NSG2: variants seen among roughly 807,000 people sequenced by gnomAD.
NSG2 encodes the protein neuronal vesicle trafficking-associated protein 2.
A neutral mutation model predicts 16.9 loss-of-function variants in NSG2; 4 were observed. The ratio of observed to expected loss-of-function variants is 0.24; its 90% CI spans 0.12 to 0.54. NSG2 has a LOEUF of 0.54. NSG2 is among the 20% of genes least tolerant of loss of function. The pLI, the probability that NSG2 is intolerant of heterozygous loss-of-function variation, is 0.95. For missense variants in NSG2, 179 were observed against 221.1 expected (o/e 0.81, Z 1.21); for synonymous variants, 98 against 88.7 (o/e 1.11, Z -0.59).
intron 3 of NSG2, among the ~76,000 whole-genome samples, chr5:174,093,235 T>G (rs1404294931): frequency 6.6e-6 from 1 of 152,092 alleles, no homozygotes. Flanking sequence ...AGTATTGAAA[T>G]GTATGTAAGC....
intron 3 of NSG2, among the ~76,000 whole-genome samples, chr5:174,087,901 A>G (rs999739405): frequency 6.6e-6 from 1 of 152,198 alleles, no homozygotes; most frequent in Non-Finnish European, 1.5e-5. Flanking sequence ...ATATGAGAGC[A>G]CAGCCCACAG....
At chr5:174,064,813 C>G (rs1760113352) in intron 3 of NSG2, among the ~76,000 whole-genome samples, 1 of 152,078 alleles carries the variant, frequency 6.6e-6, no homozygotes, top group African/African-American at 2.4e-5. Flanking sequence ...TGATGAATTG[C>G]ATCAAGGATC....
chr5:174,046,552 T>C (rs1759798981), intron 1 of NSG2, 182 bp from the exon 2 acceptor site: 2 of 573,334 alleles, frequency 3.5e-6, no homozygotes, highest in African/African-American at 3.8e-5. Context: ...ATTTTGATGA[T>C]TAAAGAAGTT....
chr5:174,063,901 T>A (rs1333646260), intron 2 of NSG2, among the ~76,000 whole-genome samples: 6 of 152,206 alleles, frequency 3.9e-5, no homozygotes, highest in Non-Finnish European at 7.3e-5. Context: ...AAATATAGTG[T>A]TGTGTGATAA....
At chr5:174,080,291 A>T in intron 3 of NSG2, among the ~76,000 whole-genome samples, 1 of 148,632 alleles carries the variant, frequency 6.7e-6, no homozygotes, top group Non-Finnish European at 1.5e-5. Flanking sequence ...AGGTAAATAT[A>T]TATATTTATA....
At position 174,105,857 on chromosome 5, in the gene NSG2, G is replaced by A. The variant is rs564770398; in HGVS notation, c.325-1457G>A. Reference sequence around the variant, plus strand: ...GGAGGTTGTAGTGAGCCGAGGCCGCGCCATTGCACTCCAGCCTGGGGGGAC... The same window carrying A: ...GGAGGTTGTAGTGAGCCGAGGCCGCACCATTGCACTCCAGCCTGGGGGGAC... On this transcript the variant is annotated intron_variant, in intron 4 of 4. Transcript: ENST00000303177. Among the ~76,000 whole-genome samples, 175 of 152,198 alleles carry A rather than the reference G, an allele frequency of 1.1e-3. 1 individual carries two copies. Among genetic ancestry groups the A allele is most frequent in the South Asian group, 0.011 (55 of 4,810 alleles).
rs546362880 is a variant in NSG2 at position 174,073,874 on chromosome 5, A to T, written c.213+9559A>T. On this transcript the variant is annotated intron_variant, in intron 3 of 4. Coordinates refer to ENST00000303177, the MANE Select transcript of NSG2 (RefSeq NM_015980.5). ...AAGCAAGTCACTTGTTAATAAACAT[A>T]GTGTAGAAGAAGACTTCTAGGGTAT... 3.3e-5 allele frequency among the ~76,000 whole-genome samples: 5 copies of T among 152,326 alleles called. No homozygotes were observed. In the East Asian group the frequency reaches 7.7e-4, roughly 24 times the overall value.
intron 3 of NSG2, among the ~76,000 whole-genome samples, chr5:174,091,579 C>CT (rs1219139290): frequency 1.3e-5 from 2 of 151,996 alleles, no homozygotes; most frequent in East Asian, 3.9e-4. Context: ...GGAGCACCCT[C>CT]TAAGTGGGAG....
intron 2 of NSG2, among the ~76,000 whole-genome samples, chr5:174,049,164 C>T (rs1284835418): frequency 3.3e-5 from 5 of 152,076 alleles, no homozygotes; most frequent in East Asian, 1.9e-4. Context: ...ACGGTGAAAC[C>T]GCGTCTCTAC....
At chr5:174,064,770 C>T (rs146752520) in intron 3 of NSG2, among the ~76,000 whole-genome samples, 185 of 152,012 alleles carry the variant, frequency 1.2e-3, no homozygotes, top group Middle Eastern at 0.01. Context: ...GTGGAGGGGC[C>T]GCGAGGAGCA....
chr5:174,104,484 T>A, intron 4 of NSG2, 146 bp downstream of exon 4: 1 of 629,736 alleles, frequency 1.6e-6, no homozygotes, highest in South Asian at 1.9e-5. Context: ...GCAAGGAGTT[T>A]CCAAGTTTTC....
chr5:174,098,321 C>G (rs113646120), intron 3 of NSG2, among the ~76,000 whole-genome samples: 1 of 152,272 alleles, frequency 6.6e-6, no homozygotes, highest in African/African-American at 2.4e-5. Context: ...GTTACCCCGA[C>G]AGCACCAGGG....
rs74649935 is a variant in NSG2, at chr5:174,069,301, G to T, written c.213+4986G>T. Among the ~76,000 whole-genome samples the T allele has an allele frequency of 7.1e-3, 1,076 of 152,292 alleles. 8 individuals carry two copies. The highest frequency in any genetic ancestry group is 0.01 in the Non-Finnish European group (683 of 68,016). ...AGATGCTGGTGCTGAGGAGGGTACT[G>T]AGGCTCTGGAAGGTGCTTATGCACC... On this transcript the variant is annotated intron_variant, in intron 3 of 4. Coordinates refer to ENST00000303177, the MANE Select transcript of NSG2 (RefSeq NM_015980.5).
chr5:174,094,118 G>A lies in NSG2; in HGVS notation c.214-10110G>A, dbSNP rs35095340. Among the ~76,000 whole-genome samples the A allele has an allele frequency of 7.2e-4, 110 of 152,318 alleles. 2 individuals are homozygous for A. The highest frequency in any genetic ancestry group is 6.0e-3 in the South Asian group (29 of 4,822). ...AATTAAGGTATGGTTAGGGTTGAGG[G>A]CTTTAGAATGAGATACTCTAGAGTT... On this transcript the variant is annotated intron_variant, in intron 3 of 4. Coordinates refer to ENST00000303177, the MANE Select transcript of NSG2 (RefSeq NM_015980.5).
chr5:174,094,734 C>T (rs1158971137), intron 3 of NSG2, among the ~76,000 whole-genome samples: 1 of 152,204 alleles, frequency 6.6e-6, no homozygotes, highest in Admixed American at 6.5e-5. Context: ...TGACCATATG[C>T]AGTGATTTCA....
intron 2 of NSG2, among the ~76,000 whole-genome samples, chr5:174,057,569 C>G (rs1299483152): frequency 6.6e-6 from 1 of 152,250 alleles, no homozygotes; most frequent in Non-Finnish European, 1.5e-5. Context: ...CTGCCGGTCC[C>G]CATGCAGTGT....
At chr5:174,068,169 A>T (rs993626966) in intron 3 of NSG2, among the ~76,000 whole-genome samples, 1 of 152,192 alleles carries the variant, frequency 6.6e-6, no homozygotes, top group East Asian at 1.9e-4. Context: ...CAATCCCTTC[A>T]TGGATCTGGG....
chr5:174,076,447 G>A (rs188875043), intron 3 of NSG2, among the ~76,000 whole-genome samples: 52 of 151,996 alleles, frequency 3.4e-4, no homozygotes, highest in Admixed American at 2.6e-3. Flanking sequence ...AAAGAGAGAC[G>A]AAGAGAGAGA....
intron 3 of NSG2, among the ~76,000 whole-genome samples, chr5:174,085,617 T>A (rs1427059538): frequency 2.0e-5 from 3 of 152,256 alleles, no homozygotes; most frequent in African/African-American, 7.2e-5. Context: ...TCATTGCCTG[T>A]GGAAACAGCA....
Sources: gnomAD v4.1 joint callset for allele counts (sites outside exome capture counted in the v4.1 genomes callset) on GRCh38, gnomAD v4.1.1 for gene constraint, MANE v1.5 for transcripts, NCBI Gene and HGNC (gene_info 2026-07-23, HGNC 2026-07-21) for gene names.